The following ROS1 variants were observed in gnomAD, a reference collection of about 807,000 sequenced individuals.
ROS1 encodes the protein proto-oncogene tyrosine-protein kinase ROS.
In ROS1, 263 loss-of-function variants were observed where a neutral mutation model predicts 273.5. The ratio of observed to expected loss-of-function variants is 0.96; its 90% confidence interval spans 0.87 to 1.06. ROS1 has a LOEUF of 1.06. Ranked by LOEUF, ROS1 falls within the 50% of genes least tolerant of loss-of-function variation. The pLI, the probability that ROS1 is intolerant of heterozygous loss-of-function variation, is 0.00. For synonymous variants in ROS1, 1,008 were observed against 954.1 expected, an observed-to-expected ratio of 1.06 and a Z score of -1.04; for missense variants, 2,833 against 2,751.1, an observed-to-expected ratio of 1.03 and a Z score of -0.67.
At chr6:117,317,332 G>T in intron 38 of ROS1, 60 bp from the exon 39 acceptor site, 1 of 1,552,918 alleles carries the variant, frequency 6.4e-7, no homozygotes, top group Non-Finnish European at 8.7e-7. Context: ...CTAGCCGAGG[G>T]TCTTTATGGA....
intron 7 of ROS1, among the ~76,000 whole-genome samples, chr6:117,399,365 G>A (rs966023869): frequency 2.6e-5 from 4 of 152,222 alleles, no homozygotes; most frequent in African/African-American, 9.6e-5. Flanking sequence ...TTTCGAACAT[G>A]GTCCTAGGCC....
rs75177108 is a variant in ROS1 at position 117,349,733 on chromosome 6, T to A, written c.4303+3257A>T. ...TTTACTCTCCTTTCTTGGGAATCAG[T>A]TATACTTTTCTAAAAATATTTTTCA... On this transcript the variant is annotated intron_variant, in intron 27 of 43. Transcript: ENST00000368507. 1.2e-3 allele frequency among the ~76,000 whole-genome samples: 188 copies of A among 152,144 alleles called. 2 individuals are homozygous for A. The East Asian group carries it at 0.032, about 26-fold the overall frequency.
chr6:117,307,404 T>G (rs1775188531), intron 42 of ROS1, among the ~76,000 whole-genome samples: 1 of 152,160 alleles, frequency 6.6e-6, no homozygotes, highest in Non-Finnish European at 1.5e-5. Flanking sequence ...AATTTCTGAG[T>G]GTTTGACAGA....
chr6:117,317,405 G>T, intron 38 of ROS1, 133 bp from the exon 39 acceptor site: 1 of 984,278 alleles, frequency 1.0e-6, no homozygotes, highest in South Asian at 2.0e-5. Flanking sequence ...CTAACACTTC[G>T]TTTTCCAACT....
intron 13 of ROS1, 54 bp downstream of exon 13, chr6:117,389,296 A>C: frequency 6.5e-7 from 1 of 1,539,624 alleles, no homozygotes; most frequent in East Asian, 2.3e-5. Flanking sequence ...AGCAGTTCAA[A>C]CCTTCCTCTT....
At chr6:117,412,554 G>A (rs1407184) in intron 4 of ROS1, among the ~76,000 whole-genome samples, 72,606 of 151,744 alleles carry the variant, frequency 0.48, 18,678 homozygotes, top group African/African-American at 0.66. Flanking sequence ...TTTCCTAAAG[G>A]TGTGGATAAC....
At chr6:117,317,294 G>A (rs778148565) in intron 38 of ROS1, 22 bp from the exon 39 acceptor site, 3 of 1,604,904 alleles carry the variant, frequency 1.9e-6, no homozygotes, top group South Asian at 2.2e-5. Flanking sequence ...AAAGACACAG[G>A]CTGGATGATA....
intron 22 of ROS1, 150 bp from the exon 23 acceptor site, chr6:117,360,555 A>G (rs1779716989): frequency 2.0e-6 from 1 of 503,592 alleles, no homozygotes; most frequent in African/African-American, 2.0e-5. Flanking sequence ...AATATACAGC[A>G]ATATAAATCA....
intron 42 of ROS1, among the ~76,000 whole-genome samples, chr6:117,307,557 A>G (rs1303335568): frequency 6.6e-6 from 1 of 151,938 alleles, no homozygotes; most frequent in East Asian, 1.9e-4. Context: ...AATTTATATA[A>G]TTTTTCCCCA....
Position 117,389,675 on chromosome 6 carries a change from C to T in ROS1, c.1461G>A (p.Met487Ile). The T allele has an allele frequency of 1.9e-6, 3 of 1,614,194 alleles. No individual in the cohort carries two copies. Among genetic ancestry groups the T allele is most frequent in the Non-Finnish European group, 2.5e-6 (3 of 1,180,030 alleles). ...IYFNDTAQVF[M>I]STFLDGSASH... The stretch of plus-strand genomic sequence containing the variant: ...AAGCAGAGCCATCCAGAAATGTTGA[C>T]ATGAAGACTTGGGCAGTGTCATTGA... The change falls in exon 13 of 44, where the codon ATG becomes ATA. Residue 487 changes from methionine to isoleucine, a missense_variant. Coordinates refer to ENST00000368507, the MANE Select transcript of ROS1 (RefSeq NM_001378902.1).
At chr6:117,307,069 C>G (rs771761850) in intron 42 of ROS1, among the ~76,000 whole-genome samples, 50 of 152,160 alleles carry the variant, frequency 3.3e-4, no homozygotes, top group Admixed American at 9.8e-4. Context: ...TTATATTTTT[C>G]CACTCATAAT....
intron 12 of ROS1, among the ~76,000 whole-genome samples, 162 bp from the exon 13 acceptor site, chr6:117,390,008 T>A (rs1257136530): frequency 6.6e-6 from 1 of 152,240 alleles, no homozygotes; most frequent in Non-Finnish European, 1.5e-5. Context: ...TCCTAAGATA[T>A]ACTCTATTCG....
rs1387669036 is a variant in ROS1, at chr6:117,414,528, G to A, written c.246C>T (p.Thr82=). Residue 82 remains threonine, a synonymous_variant, in exon 4 of 44, where the codon ACC becomes ACT. Coordinates refer to ENST00000368507, the MANE Select transcript of ROS1 (RefSeq NM_001378902.1). ...GTGATTGCCAACTCACCTCACAAACGGTGGCATAAGTATCATTCTGCATAG... is the reference window on the plus strand; with the variant it reads ...GTGATTGCCAACTCACCTCACAAACAGTGGCATAAGTATCATTCTGCATAG... The part of the protein sequence containing the change: ...CALKCNDTYA[T]VCERESCEVG... 3 of 731,870 alleles carry A rather than the reference G, an allele frequency of 4.1e-6. No individual in the cohort carries two copies. Among genetic ancestry groups the A allele is most frequent in the South Asian group, 1.5e-5 (1 of 64,920 alleles). The allele number at this position is 731,870 out of a possible 1,614,324, so 45.3% of individuals were successfully genotyped here.
In ROS1 at chr6:117,350,202, T is replaced by C. The variant is rs117829968; in HGVS notation, c.4303+2788A>G. On this transcript the variant is annotated intron_variant, in intron 27 of 43. Coordinates refer to ENST00000368507, the MANE Select transcript of ROS1 (RefSeq NM_001378902.1). Reference sequence around the variant, plus strand: ...ACTGATAACAAATTCTCTCAATTTTTGTCTGAGAATGTCTTTATTGCTCCT... The same window carrying C: ...ACTGATAACAAATTCTCTCAATTTTCGTCTGAGAATGTCTTTATTGCTCCT... Among the ~76,000 whole-genome samples, 480 of 152,262 alleles carry C rather than the reference T, an allele frequency of 3.2e-3. 9 individuals carry two copies. Among genetic ancestry groups the C allele is most frequent in the East Asian group, 0.028 (145 of 5,192 alleles).
At chr6:117,346,157 T>C (rs1385171836) in intron 27 of ROS1, among the ~76,000 whole-genome samples, 4 of 152,180 alleles carry the variant, frequency 2.6e-5, no homozygotes, top group East Asian at 1.9e-4. Context: ...TCAAAAGTCA[T>C]TGGTAATTTT....
chr6:117,334,252 CAA>C (rs1777302550), intron 32 of ROS1, among the ~76,000 whole-genome samples: 2 of 152,222 alleles, frequency 1.3e-5, no homozygotes, highest in South Asian at 4.1e-4. Flanking sequence ...ACAATAGCTA[CAA>C]AGAGAATAAA....
chr6:117,375,075 G>A (rs1285944212), intron 18 of ROS1, among the ~76,000 whole-genome samples: 2 of 152,034 alleles, frequency 1.3e-5, no homozygotes, highest in Non-Finnish European at 2.9e-5. Context: ...ATTGAATAAA[G>A]AAAATGTGGT....
chr6:117,346,500 C>T (rs1273003200), intron 27 of ROS1, among the ~76,000 whole-genome samples: 4 of 150,806 alleles, frequency 2.7e-5, no homozygotes, highest in African/African-American at 4.9e-5. Flanking sequence ...CATTTTGGAG[C>T]GTGTTTGTGT....
rs1200612813 is a variant in ROS1, at chr6:117,337,204, C to T, written c.5198G>A (p.Ser1733Asn). ...CTTAAAGCTTTCTGGAAGTGAGGTG[C>T]TATTTTCTCCCGTCTTATAAACCAC... Reference protein sequence around the residue: ...VVVVYKTGENSTSLPESFKTK... With the variant: ...VVVVYKTGENNTSLPESFKTK... Residue 1733 changes from serine (S) to asparagine (N), a missense_variant, in exon 32 of 44, where the codon AGC becomes AAC. By Grantham distance (46) the Ser-to-Asn change is conservative. Transcript: ENST00000368507. The T allele has an allele frequency of 5.6e-6, 9 of 1,612,284 alleles. No individual in the cohort carries two copies. The highest frequency in any genetic ancestry group is 1.1e-5 in the South Asian group (1 of 90,912).
Sources: allele counts gnomAD v4.1 joint callset (sites outside exome capture counted in the v4.1 genomes callset), GRCh38; gene constraint gnomAD v4.1.1; transcripts MANE v1.5; gene names NCBI Gene and HGNC (gene_info 2026-07-23, HGNC 2026-07-21).